CADM2: variants seen among roughly 807,000 people sequenced by gnomAD.
The protein encoded by CADM2 is immunoglobulin superfamily member 4D.
A neutral mutation model predicts 49.8 loss-of-function variants in CADM2; 12 were observed. That is an observed-to-expected ratio of 0.24 (90% CI 0.15 to 0.39). The LOEUF (loss-of-function observed/expected upper bound fraction) is 0.39, where lower values mean the gene tolerates loss of function less well. Among genes scored for constraint, CADM2 ranks in the 10% least tolerant of loss-of-function variants. The probability of loss-of-function intolerance (pLI) is 1.00; values close to 1 mark genes in which losing one functional copy is unlikely to be tolerated. For synonymous variants in CADM2, 214 were observed against 175.4 expected, an observed-to-expected ratio of 1.22 and a Z score of -1.74; for missense variants, 378 against 492.3, an observed-to-expected ratio of 0.77 and a Z score of 2.20.
chr3:85,563,514 A>C (rs1203108158), intron 1 of CADM2, among the ~76,000 whole-genome samples: 1 of 151,890 alleles, frequency 6.6e-6, no homozygotes, highest in Non-Finnish European at 1.5e-5. Context: ...GGGAATTACT[A>C]TTTCTGATTT....
chr3:85,832,056 A>C (rs544501623), intron 3 of CADM2, among the ~76,000 whole-genome samples: 1 of 152,052 alleles, frequency 6.6e-6, no homozygotes, highest in South Asian at 2.1e-4. Flanking sequence ...GTGGCTAGCT[A>C]GTTATCACAG....
At chr3:85,111,164 T>C (rs886238365) in intron 1 of CADM2, among the ~76,000 whole-genome samples, 53 of 152,024 alleles carry the variant, frequency 3.5e-4, no homozygotes, top group African/African-American at 1.2e-3. Context: ...TTTCAAATCA[T>C]ATAGGTATGA....
At chr3:85,083,858 A>C (rs1057444288) in intron 1 of CADM2, among the ~76,000 whole-genome samples, 1 of 152,188 alleles carries the variant, frequency 6.6e-6, no homozygotes, top group Admixed American at 6.6e-5. Flanking sequence ...TGTATTCTAC[A>C]GAAACAGAAA....
intron 1 of CADM2, among the ~76,000 whole-genome samples, chr3:85,396,791 A>G (rs548664076): frequency 1.3e-5 from 2 of 152,190 alleles, no homozygotes; most frequent in Non-Finnish European, 2.9e-5. Flanking sequence ...ACCTAAACAA[A>G]AGAGTTATAA....
At chr3:85,067,059 G>A (rs912850955) in intron 1 of CADM2, among the ~76,000 whole-genome samples, 1 of 151,952 alleles carries the variant, frequency 6.6e-6, no homozygotes, top group African/African-American at 2.4e-5. Context: ...AGTTTAAGTA[G>A]GCTTTAAAAA....
At chr3:85,183,110 A>C (rs902072208) in intron 1 of CADM2, among the ~76,000 whole-genome samples, 3 of 152,146 alleles carry the variant, frequency 2.0e-5, no homozygotes, top group Non-Finnish European at 4.4e-5. Context: ...AAATAAAATG[A>C]TACTCTCAAA....
chr3:85,614,326 C>A (rs1352831047), intron 1 of CADM2, among the ~76,000 whole-genome samples: 1 of 151,490 alleles, frequency 6.6e-6, no homozygotes, highest in East Asian at 1.9e-4. Context: ...TATATATCTC[C>A]TTATTCTGAT....
At chr3:85,777,851 A>G (rs929301769) in intron 2 of CADM2, among the ~76,000 whole-genome samples, 2 of 152,212 alleles carry the variant, frequency 1.3e-5, no homozygotes, top group South Asian at 2.1e-4. Context: ...TACCATCAGA[A>G]ATAATGAACA....
chr3:85,301,848 T>C (rs1474894976), intron 1 of CADM2, among the ~76,000 whole-genome samples: 1 of 152,058 alleles, frequency 6.6e-6, no homozygotes, highest in African/African-American at 2.4e-5. Flanking sequence ...AAAATGACTC[T>C]CCATATAGTA....
At chr3:85,898,138 C>T (rs953563216) in intron 5 of CADM2, among the ~76,000 whole-genome samples, 1 of 152,120 alleles carries the variant, frequency 6.6e-6, no homozygotes, top group African/African-American at 2.4e-5. Flanking sequence ...CCTCAAGACT[C>T]AGGCAATACT....
chr3:85,903,173 TG>T (rs1322859200), intron 5 of CADM2, among the ~76,000 whole-genome samples: 2 of 152,148 alleles, frequency 1.3e-5, no homozygotes, highest in Non-Finnish European at 2.9e-5. Context: ...GATAAATAAT[TG>T]TTTTACATCA....
At chr3:85,788,710 A>T (rs2071151935) in intron 2 of CADM2, among the ~76,000 whole-genome samples, 1 of 152,028 alleles carries the variant, frequency 6.6e-6, no homozygotes, top group Non-Finnish European at 1.5e-5. Context: ...AGGAAAAACC[A>T]GCATGAAAAC....
At chr3:85,000,114 TTCTCTCTCTCTCTCTC>T (rs59094520) in intron 1 of CADM2, among the ~76,000 whole-genome samples, 11 of 136,836 alleles carry the variant, frequency 8.0e-5, no homozygotes, top group Admixed American at 6.9e-4. Context: ...TGCTTCTACT[TTCTCTCTCTCTCTCTC>T]TCTCTCTCTC....
chr3:85,860,162 T>C (rs1173687673), intron 3 of CADM2, among the ~76,000 whole-genome samples: 1 of 152,194 alleles, frequency 6.6e-6, no homozygotes, highest in East Asian at 1.9e-4. Flanking sequence ...TTATTACATA[T>C]TCATGGATAC....
chr3:85,342,829 AAG>A (rs1300051411), intron 1 of CADM2, among the ~76,000 whole-genome samples: 1 of 152,140 alleles, frequency 6.6e-6, no homozygotes, highest in East Asian at 1.9e-4. Flanking sequence ...CCCAAGCAAG[AAG>A]AGAGTCATAG....
rs190540118 is a variant in CADM2, at chr3:85,595,614, A to G, written c.62-130908A>G. On this transcript the variant is annotated intron_variant, in intron 1 of 9. Transcript: ENST00000383699. ...AAAGTATAGGAATTGTCCTGTTTAA[A>G]ACCTTTTATATCCTAGATTATAATT... is the stretch of plus-strand genomic sequence containing the variant. Among the ~76,000 whole-genome samples the G allele has an allele frequency of 9.6e-3, 1,467 of 152,090 alleles. 24 individuals carry two copies. The highest frequency in any genetic ancestry group is 0.031 in the African/African-American group (1,306 of 41,544).
chr3:85,291,517 A>G (rs1360474554), intron 1 of CADM2, among the ~76,000 whole-genome samples: 4 of 147,630 alleles, frequency 2.7e-5, no homozygotes, highest in Non-Finnish European at 5.9e-5. Flanking sequence ...TGAAGGAAAA[A>G]ATGTTAAGGG....
At chr3:85,164,435 A>G (rs2107673440) in intron 1 of CADM2, among the ~76,000 whole-genome samples, 1 of 152,158 alleles carries the variant, frequency 6.6e-6, no homozygotes, top group South Asian at 2.1e-4. Flanking sequence ...ATTTAGGCCG[A>G]TTTTTAACCC....
chr3:85,548,388 C>T (rs1359636044), intron 1 of CADM2, among the ~76,000 whole-genome samples: 1 of 151,630 alleles, frequency 6.6e-6, no homozygotes, highest in East Asian at 2.0e-4. Flanking sequence ...CTGTTTTAGC[C>T]TGTGGCTTTG....
Sources: allele counts gnomAD v4.1 joint callset (sites outside exome capture counted in the v4.1 genomes callset), GRCh38; gene constraint gnomAD v4.1.1; transcripts MANE v1.5; gene names NCBI Gene and HGNC (gene_info 2026-07-23, HGNC 2026-07-21).